BIRC3: variants seen among roughly 807,000 people sequenced by gnomAD.
BIRC3 encodes baculoviral IAP repeat containing 3, also known as baculoviral IAP repeat-containing protein 3.
In BIRC3, 26 loss-of-function variants were observed where a neutral mutation model predicts 59.0. That is an observed-to-expected ratio of 0.44 (90% CI 0.32 to 0.61). BIRC3 has a LOEUF of 0.61. Among genes scored for constraint, BIRC3 ranks in the 20% least tolerant of loss-of-function variants. The pLI is 0.04. For synonymous variants in BIRC3, 243 were observed against 249.2 expected (o/e 0.98, Z 0.24); for missense variants, 641 against 711.5 (o/e 0.90, Z 1.13).
intron 1 of BIRC3, among the ~76,000 whole-genome samples, chr11:102,318,340 C>T (rs546394179): frequency 1.3e-5 from 2 of 152,228 alleles, no homozygotes; most frequent in East Asian, 3.9e-4. Flanking sequence ...TGGGCACCCC[C>T]GATGTCTGAC....
In BIRC3 at chr11:102,327,878, A is replaced by G. The variant is rs185569217; in HGVS notation, c.954-174A>G. Reference sequence around the variant, plus strand: ...ATCAGTTCCCAGTGGGCTAGGATGTATTTATTCTTCTAACATTAAGTTTAG... The same window carrying G: ...ATCAGTTCCCAGTGGGCTAGGATGTGTTTATTCTTCTAACATTAAGTTTAG... On this transcript the variant is annotated intron_variant, in intron 3 of 8. Transcript: ENST00000263464. 2.8e-3 allele frequency among the ~76,000 whole-genome samples: 425 copies of G among 152,276 alleles called. 1 individual carries two copies. The highest frequency in any genetic ancestry group is 9.6e-3 in the African/African-American group (401 of 41,574).
At chr11:102,325,731 A>T (rs538986789) in intron 3 of BIRC3, among the ~76,000 whole-genome samples, 166 bp downstream of exon 3, 1 of 152,256 alleles carries the variant, frequency 6.6e-6, no homozygotes, top group South Asian at 2.1e-4. Flanking sequence ...GTTTCGATGG[A>T]CTTAAGACAA....
intron 6 of BIRC3, among the ~76,000 whole-genome samples, chr11:102,331,726 C>T (rs1178791244): frequency 6.6e-6 from 1 of 152,284 alleles, no homozygotes; most frequent in Admixed American, 6.5e-5. Flanking sequence ...CTCACTGCAA[C>T]TTCTGCCTCC....
rs1350602702 is a variant in BIRC3, at chr11:102,338,617, C to G, written c.*1515C>G. On this transcript the variant is annotated 3_prime_UTR_variant, in exon 9 of 9. Transcript: ENST00000263464. Reference sequence around the variant, plus strand: ...GCAAGGCCTGTCTGTTCAGATTATTCTTGGTCTCTGTGCAGCATTCCTTCC... The same window carrying G: ...GCAAGGCCTGTCTGTTCAGATTATTGTTGGTCTCTGTGCAGCATTCCTTCC... 4.4e-6 allele frequency: 1 copy of G among 228,830 alleles called. No individual in the cohort carries two copies. The highest frequency in any genetic ancestry group is 8.7e-6 in the Non-Finnish European group (1 of 115,398). 14.2% of individuals were successfully genotyped at this position (228,830 alleles called of 1,614,324 possible).
intron 6 of BIRC3, among the ~76,000 whole-genome samples, chr11:102,333,900 A>G (rs1365810991): frequency 6.6e-6 from 1 of 152,196 alleles, no homozygotes; most frequent in Non-Finnish European, 1.5e-5. Flanking sequence ...CAGGAGTTTG[A>G]GACCAGACTG....
chr11:102,330,037 A>T (rs114090124), intron 5 of BIRC3, among the ~76,000 whole-genome samples: 1 of 152,346 alleles, frequency 6.6e-6, no homozygotes, highest in African/African-American at 2.4e-5. Context: ...GGAGAAAGGG[A>T]TATGGCAGCA....
chr11:102,324,992 C>T lies in BIRC3; in HGVS notation c.483C>T (p.Ser161=), dbSNP rs781540627. Residue 161 remains serine (S), a synonymous_variant, in exon 2 of 9, where the codon TCC becomes TCT. Transcript: ENST00000263464. The part of the protein sequence containing the change: ...NQDFSALMRS[S]YHCAMNNENA... ...ATTTTTCTGCCTTGATGAGAAGTTCCTACCACTGTGCAATGAATAACGAAA... is the reference window on the plus strand; with the variant it reads ...ATTTTTCTGCCTTGATGAGAAGTTCTTACCACTGTGCAATGAATAACGAAA... 1.9e-6 allele frequency: 3 copies of T among 1,614,186 alleles called. No individual in the cohort carries two copies. The highest frequency in any genetic ancestry group is 1.1e-5 in the South Asian group (1 of 91,088).
At chr11:102,332,381 T>C (rs1459838476) in intron 6 of BIRC3, among the ~76,000 whole-genome samples, 3 of 152,204 alleles carry the variant, frequency 2.0e-5, no homozygotes, top group Non-Finnish European at 2.9e-5. Context: ...TCACAAATGT[T>C]GATTTACAGC....
At position 102,330,544 on chromosome 11, in the gene BIRC3, C is replaced by T. The variant is rs555845664; in HGVS notation, c.1082-455C>T. On this transcript the variant is annotated intron_variant, in intron 5 of 8. Coordinates refer to ENST00000263464, the MANE Select transcript of BIRC3 (RefSeq NM_001165.5). ...ATGGAATTTAAGAAGTGTGACACAT[C>T]ATATTTGTGTTTTTAAAAAGTCACT... 4.6e-5 allele frequency among the ~76,000 whole-genome samples: 7 copies of T among 152,312 alleles called. No homozygotes were observed. In the East Asian group the frequency reaches 1.4e-3, roughly 29 times the overall value.
rs779461718 is a variant in BIRC3 at position 102,331,167 on chromosome 11, T to G, written c.1250T>G (p.Val417Gly). ...GENYRLVNDL[V>G]LDLLNAEDEI... ...AATTATAGACTAGTCAATGATCTTG[T>G]GTTAGACTTACTCAATGCAGAAGAT... The change falls in exon 6 of 9, where the codon GTG (valine) becomes GGG (glycine). Residue 417 changes from valine to glycine, a missense_variant. By Grantham distance (109) the Val-to-Gly change is moderately radical. Coordinates refer to ENST00000263464, the MANE Select transcript of BIRC3 (RefSeq NM_001165.5). 15 of 1,613,648 alleles carry G rather than the reference T, an allele frequency of 9.3e-6. No homozygotes were observed. The highest frequency in any genetic ancestry group is 3.3e-4 in the Middle Eastern group (2 of 6,080).
intron 6 of BIRC3, among the ~76,000 whole-genome samples, chr11:102,332,745 A>G (rs1031826106): frequency 2.6e-5 from 4 of 152,212 alleles, no homozygotes; most frequent in African/African-American, 9.6e-5. Context: ...GTGATATAGC[A>G]TCATACATTC....
Position 102,322,129 on chromosome 11 carries a change from AT to A in BIRC3, c.-2374del. The A allele has an allele frequency of 4.9e-6, 1 of 203,800 alleles. No individual in the cohort carries two copies. The highest frequency in any genetic ancestry group is 6.0e-5 in the Admixed American group (1 of 16,712). 12.6% of individuals were successfully genotyped at this position (203,800 alleles called of 1,614,324 possible). A position where few individuals can be genotyped will look rare whatever the true frequency, so the allele number is the denominator to read the frequency against. ...TCTAGCTGGGGCATATTGTTAAAGC[AT>A]TTTTTTCAGAGTTGGCCAGGCAGTC... On this transcript the variant is annotated 5_prime_UTR_variant, in exon 2 of 9. Coordinates refer to ENST00000263464, the MANE Select transcript of BIRC3 (RefSeq NM_001165.5).
At position 102,325,529 on chromosome 11, in the gene BIRC3, A is replaced by T; in HGVS notation, c.917A>T (p.Asp306Val). ...DGGLRCWESG[D>V]DPWVQHAKWF... ...GGACTCAGGTGTTGGGAATCTGGAG[A>T]TGATCCATGGGTTCAACATGCCAAG... Residue 306 changes from aspartate to valine, a missense_variant, in exon 3 of 9, where the codon GAT (aspartate) becomes GTT (valine). Coordinates refer to ENST00000263464, the MANE Select transcript of BIRC3 (RefSeq NM_001165.5). 1 of 1,613,010 alleles carries T rather than the reference A, an allele frequency of 6.2e-7. No homozygotes were observed. The highest frequency in any genetic ancestry group is 1.7e-5 in the Admixed American group (1 of 60,006).
rs751277026 is a variant in BIRC3 at position 102,338,916 on chromosome 11, C to T, written c.*1814C>T. The T allele has an allele frequency of 9.1e-6, 2 of 220,434 alleles. No individual in the cohort carries two copies. The highest frequency in any genetic ancestry group is 5.8e-5 in the Admixed American group (1 of 17,318). The allele number at this position is 220,434 out of a possible 1,614,324, so 13.7% of individuals were successfully genotyped here. A position where few individuals can be genotyped will look rare whatever the true frequency, so the allele number is the denominator to read the frequency against. ...AGGATAACATCAGAGAAAAACTTTG[C>T]TTCTGAGGCCTTCACTTTGGGTTTT... On this transcript the variant is annotated 3_prime_UTR_variant, in exon 9 of 9. Transcript: ENST00000263464.
At chr11:102,318,297 G>T (rs1426281352) in intron 1 of BIRC3, among the ~76,000 whole-genome samples, 1 of 152,118 alleles carries the variant, frequency 6.6e-6, no homozygotes. Flanking sequence ...ACTTGTGCAA[G>T]GTCATGCTTC....
Position 102,337,749 on chromosome 11 carries a change from A to G in BIRC3, c.*647A>G, listed in dbSNP as rs1951211239. The stretch of plus-strand genomic sequence containing the variant: ...AATTACTCTTATTCTTCATTGCTTT[A>G]TTTCAATGACATTGGATAGTTTAGT... On this transcript the variant is annotated 3_prime_UTR_variant, in exon 9 of 9. Transcript: ENST00000263464. 1 of 245,708 alleles carries G rather than the reference A, an allele frequency of 4.1e-6. No homozygotes were observed. The highest frequency in any genetic ancestry group is 1.8e-4 in the South Asian group (1 of 5,632). The allele number at this position is 245,708 out of a possible 1,614,324, so 15.2% of individuals were successfully genotyped here. A position where few individuals can be genotyped will look rare whatever the true frequency, so the allele number is the denominator to read the frequency against.
intron 6 of BIRC3, 122 bp downstream of exon 6, chr11:102,331,363 G>C: frequency 6.6e-6 from 7 of 1,064,002 alleles, no homozygotes; most frequent in Non-Finnish European, 8.7e-6. Flanking sequence ...TTTTTTTCAT[G>C]TTTAGTATTC....
At chr11:102,328,858 T>TTA (rs35083591) in intron 4 of BIRC3, 39 bp from the exon 5 acceptor site, 7,286 of 601,614 alleles carry the variant, frequency 0.012, 22 homozygotes, top group Admixed American at 0.015. Flanking sequence ...CTATTTTAAT[T>TTA]TATATATATA....
intron 8 of BIRC3, 38 bp downstream of exon 8, chr11:102,336,839 G>T: frequency 6.3e-7 from 1 of 1,585,538 alleles, no homozygotes; most frequent in Non-Finnish European, 8.6e-7. Context: ...AGAGAACATT[G>T]TCTTTATTTT....
Sources: allele counts gnomAD v4.1 joint callset (sites outside exome capture counted in the v4.1 genomes callset), GRCh38; gene constraint gnomAD v4.1.1; transcripts MANE v1.5; gene names NCBI Gene and HGNC (gene_info 2026-07-23, HGNC 2026-07-21).